The following MCC variants were observed in gnomAD, a reference collection of about 807,000 sequenced individuals.
MCC encodes the protein colorectal mutant cancer protein.
Under a neutral mutation model 116.2 loss-of-function variants are expected in MCC, and 90 were observed. The observed-to-expected ratio is 0.77, with a 90% confidence interval of 0.65 to 0.92. The LOEUF (loss-of-function observed/expected upper bound fraction) is 0.92, where lower values mean the gene tolerates loss of function less well. Ranked by LOEUF, MCC falls within the 40% of genes least tolerant of loss-of-function variation. The pLI is 0.00. For missense variants in MCC, 1,516 were observed against 1,312.2 expected, an observed-to-expected ratio of 1.16 and a Z score of -2.40; for synonymous variants, 578 against 510.5, an observed-to-expected ratio of 1.13 and a Z score of -1.78.
Position 113,023,225 on chromosome 5 carries a change from T to C in MCC, c.*4077A>G, listed in dbSNP as rs1580855354. ...GGAGCTTACTTTAACCTGACCTACATGAACATAAGATTTGTAGGATGTGGA... is the reference window on the plus strand; with the variant it reads ...GGAGCTTACTTTAACCTGACCTACACGAACATAAGATTTGTAGGATGTGGA... On this transcript the variant is annotated 3_prime_UTR_variant, in exon 19 of 19. Transcript: ENST00000408903. The C allele has an allele frequency of 2.0e-5, 3 of 152,228 alleles. No individual in the cohort carries two copies. The highest frequency in any genetic ancestry group is 6.5e-5 in the Admixed American group (1 of 15,292). The allele number at this position is 152,228 out of a possible 1,614,324, so 9.4% of individuals were successfully genotyped here.
chr5:113,123,831 G>A (rs1235140846), intron 5 of MCC, among the ~76,000 whole-genome samples: 1 of 152,174 alleles, frequency 6.6e-6, no homozygotes, highest in Non-Finnish European at 1.5e-5. Context: ...TTCAAGGGCA[G>A]GTTGTCTGTG....
chr5:113,160,315 CATCCCATCTGTAA>C (rs1389373642), intron 3 of MCC, among the ~76,000 whole-genome samples: 1 of 152,224 alleles, frequency 6.6e-6, no homozygotes, highest in African/African-American at 2.4e-5. Context: ...CCCACAATCC[CATCCCATCTGTAA>C]ACATATGCTC....
chr5:113,064,248 C>G, intron 13 of MCC, 81 bp from the exon 14 acceptor site: 3 of 1,305,270 alleles, frequency 2.3e-6, no homozygotes, highest in Non-Finnish European at 3.2e-6. Flanking sequence ...ATAATTAACT[C>G]TGTTACTTAG....
intron 16 of MCC, among the ~76,000 whole-genome samples, chr5:113,047,127 G>A (rs1561750702): frequency 6.6e-6 from 1 of 152,160 alleles, no homozygotes; most frequent in South Asian, 2.1e-4. Flanking sequence ...AACCTGTCCT[G>A]AATCTCCCAA....
intron 3 of MCC, among the ~76,000 whole-genome samples, chr5:113,293,580 A>G (rs1766593612): frequency 6.6e-6 from 1 of 152,132 alleles, no homozygotes; most frequent in Admixed American, 6.5e-5. Flanking sequence ...AGCATCCCTA[A>G]AATCATGAAA....
At chr5:113,208,733 AAAAC>A (rs928217020) in intron 3 of MCC, among the ~76,000 whole-genome samples, 2 of 152,226 alleles carry the variant, frequency 1.3e-5, no homozygotes, top group African/African-American at 4.8e-5. Flanking sequence ...TATCATGAAA[AAAAC>A]AAACATCTTT....
chr5:113,484,578 T>C (rs1437505946), intron 1 of MCC, among the ~76,000 whole-genome samples: 1 of 152,144 alleles, frequency 6.6e-6, no homozygotes, highest in Non-Finnish European at 1.5e-5. Context: ...AAGGGCACTT[T>C]GAAAGAAAGC....
intron 3 of MCC, among the ~76,000 whole-genome samples, chr5:113,221,320 C>T (rs1763544879): frequency 6.6e-6 from 1 of 152,228 alleles, no homozygotes; most frequent in Non-Finnish European, 1.5e-5. Context: ...CCTGAACTAA[C>T]CAACTCCATC....
chr5:113,387,314 C>T (rs775968404), intron 1 of MCC, among the ~76,000 whole-genome samples: 11 of 152,084 alleles, frequency 7.2e-5, no homozygotes, highest in East Asian at 3.9e-4. Flanking sequence ...AGTAGCTAAT[C>T]GATAAACTGG....
intron 17 of MCC, 29 bp from the exon 18 acceptor site, chr5:113,029,085 G>T (rs765431745): frequency 2.5e-6 from 4 of 1,593,062 alleles, no homozygotes; most frequent in South Asian, 2.3e-5. Flanking sequence ...AATATGCCAG[G>T]AGTAGTTTGA....
rs77645857 is a variant in MCC at position 113,211,275 on chromosome 5, C to T, written c.628-59853G>A. 4.7e-3 allele frequency among the ~76,000 whole-genome samples: 710 copies of T among 152,298 alleles called. 7 individuals are homozygous for T. Among genetic ancestry groups the T allele is most frequent in the African/African-American group, 0.017 (687 of 41,562 alleles). ...CTATAAACCAGGAAGCAGGGCCCTA[C>T]CAGATGCTGAATTTGCTCTCGCCTT... On this transcript the variant is annotated intron_variant, in intron 3 of 18. Transcript: ENST00000408903.
chr5:113,426,329 C>G (rs766733259), intron 1 of MCC, among the ~76,000 whole-genome samples: 2 of 152,144 alleles, frequency 1.3e-5, no homozygotes, highest in African/African-American at 4.8e-5. Flanking sequence ...AACACTGGAT[C>G]TGAGAGCTAT....
At chr5:113,297,518 C>G (rs1055933072) in intron 3 of MCC, among the ~76,000 whole-genome samples, 1 of 151,580 alleles carries the variant, frequency 6.6e-6, no homozygotes, top group African/African-American at 2.4e-5. Flanking sequence ...TAAGCCGAGA[C>G]CGCACCACCA....
intron 16 of MCC, among the ~76,000 whole-genome samples, chr5:113,047,772 T>C (rs1752192431): frequency 6.6e-6 from 1 of 152,094 alleles, no homozygotes; most frequent in African/African-American, 2.4e-5. Context: ...ACAGTTGTTT[T>C]TTTCCCAACA....
In MCC at chr5:113,108,322, ACT is replaced by A. The variant is rs1272175578; in HGVS notation, c.1028-3969_1028-3968del. Among the ~76,000 whole-genome samples the A allele has an allele frequency of 7.4e-5, 9 of 121,500 alleles. No homozygotes were observed. The Admixed American group carries it at 8.1e-4, about 11-fold the overall frequency. The allele number at this position is 121,500 out of a possible 152,430, so 79.7% of individuals were successfully genotyped here. Reference sequence around the variant, plus strand: ...TCTAGGCAACAGAGCAAGACGCAACACTCTATCTTAAAAAAAAAAAAAAAAAA... The same window carrying A: ...TCTAGGCAACAGAGCAAGACGCAACACTATCTTAAAAAAAAAAAAAAAAAA... On this transcript the variant is annotated intron_variant, in intron 6 of 18. Coordinates refer to ENST00000408903, the MANE Select transcript of MCC (RefSeq NM_001085377.2).
intron 3 of MCC, among the ~76,000 whole-genome samples, chr5:113,158,496 A>G (rs986236500): frequency 6.6e-5 from 10 of 152,224 alleles, no homozygotes; most frequent in Non-Finnish European, 1.2e-4. Context: ...AAAATCTGCG[A>G]ATATTCTTGA....
At chr5:113,328,835 T>G (rs1767628545) in intron 3 of MCC, among the ~76,000 whole-genome samples, 1 of 152,124 alleles carries the variant, frequency 6.6e-6, no homozygotes, top group African/African-American at 2.4e-5. Context: ...TCATTTCTGT[T>G]CCAATAGAGG....
chr5:113,346,603 AAAAC>A (rs927217888), intron 2 of MCC, among the ~76,000 whole-genome samples: 5 of 131,652 alleles, frequency 3.8e-5, no homozygotes, highest in Admixed American at 7.8e-5. Context: ...TCTGTCTAAA[AAAAC>A]AAACAAACAA....
chr5:113,191,175 T>G (rs1171736845), intron 3 of MCC, among the ~76,000 whole-genome samples: 2 of 152,218 alleles, frequency 1.3e-5, no homozygotes, highest in African/African-American at 4.8e-5. Flanking sequence ...TACCTGCCTT[T>G]GCTCCTGGTC....
Sources: allele counts gnomAD v4.1 joint callset (sites outside exome capture counted in the v4.1 genomes callset), GRCh38; gene constraint gnomAD v4.1.1; transcripts MANE v1.5; gene names NCBI Gene and HGNC (gene_info 2026-07-23, HGNC 2026-07-21).